ERBB4: variants seen among roughly 807,000 people sequenced by gnomAD.
ERBB4 encodes receptor tyrosine-protein kinase erbB-4.
In ERBB4, 42 loss-of-function variants were observed where a neutral mutation model predicts 158.0. The observed-to-expected ratio is 0.27, with a 90% CI of 0.21 to 0.34. The LOEUF is 0.34. Among genes scored for constraint, ERBB4 ranks in the 10% least tolerant of loss-of-function variants. The pLI is 1.00. For synonymous variants in ERBB4, 583 were observed against 558.7 expected, an observed-to-expected ratio of 1.04 and a Z score of -0.61; for missense variants, 1,333 against 1,624.1, an observed-to-expected ratio of 0.82 and a Z score of 3.08.
At chr2:212,472,634 G>A (rs777235273) in intron 1 of ERBB4, among the ~76,000 whole-genome samples, 5 of 151,594 alleles carry the variant, frequency 3.3e-5, no homozygotes, top group East Asian at 1.9e-4. Context: ...CTATCTACAC[G>A]TAAAGGAATA....
intron 1 of ERBB4, among the ~76,000 whole-genome samples, chr2:212,416,177 AT>A (rs2091647572): frequency 6.6e-6 from 1 of 152,136 alleles, no homozygotes; most frequent in South Asian, 2.1e-4. Context: ...TACAAACTAA[AT>A]CAACGGAAAG....
At chr2:211,964,567 T>G (rs1339309133) in intron 2 of ERBB4, among the ~76,000 whole-genome samples, 1 of 152,214 alleles carries the variant, frequency 6.6e-6, no homozygotes, top group African/African-American at 2.4e-5. Flanking sequence ...CTCTCTTGTC[T>G]AGAACTTGTT....
At chr2:212,244,069 T>C (rs1471920555) in intron 1 of ERBB4, among the ~76,000 whole-genome samples, 1 of 152,088 alleles carries the variant, frequency 6.6e-6, no homozygotes, top group African/African-American at 2.4e-5. Flanking sequence ...GGGGAGGTCC[T>C]AGCAGTGTAA....
intron 1 of ERBB4, among the ~76,000 whole-genome samples, chr2:212,400,678 TGAG>T (rs1296406923): frequency 6.6e-6 from 1 of 152,124 alleles, no homozygotes; most frequent in African/African-American, 2.4e-5. Flanking sequence ...CTGAAGCTAT[TGAG>T]GAGAGCAATA....
At chr2:212,018,165 T>C (rs1301093817) in intron 2 of ERBB4, among the ~76,000 whole-genome samples, 2 of 152,154 alleles carry the variant, frequency 1.3e-5, no homozygotes, top group Admixed American at 6.5e-5. Context: ...GATGTTTCAT[T>C]AAAAGTATAA....
In ERBB4 at chr2:212,036,909, T is replaced by C. The variant is rs189571789; in HGVS notation, c.234+87843A>G. ...AGAAATTCTCATTGTGCGTCTAAAG[T>C]TCCCCGAATTGAAAAGCAAATCCTA... On this transcript the variant is annotated intron_variant, in intron 2 of 27. Coordinates refer to ENST00000342788, the MANE Select transcript of ERBB4 (RefSeq NM_005235.3). Among the ~76,000 whole-genome samples the C allele has an allele frequency of 5.6e-4, 85 of 152,276 alleles. 1 individual carries two copies. The highest frequency in any genetic ancestry group is 2.0e-3 in the African/African-American group (83 of 41,554).
At chr2:211,578,121 C>T (rs1041358020) in intron 19 of ERBB4, among the ~76,000 whole-genome samples, 2 of 152,108 alleles carry the variant, frequency 1.3e-5, no homozygotes, top group African/African-American at 2.4e-5. Flanking sequence ...GATATAAAAT[C>T]GGTGTGCAAA....
intron 1 of ERBB4, among the ~76,000 whole-genome samples, chr2:212,357,671 G>T (rs893868835): frequency 6.6e-6 from 1 of 151,380 alleles, no homozygotes; most frequent in Non-Finnish European, 1.5e-5. Context: ...AACCTCCTTC[G>T]ATCTGTTTTA....
intron 5 of ERBB4, among the ~76,000 whole-genome samples, chr2:211,749,793 A>G (rs888176787): frequency 3.3e-5 from 5 of 152,154 alleles, no homozygotes; most frequent in African/African-American, 9.6e-5. Context: ...TGAATCTTTA[A>G]TATTTTCTGT....
intron 1 of ERBB4, among the ~76,000 whole-genome samples, chr2:212,349,287 T>TCACACACA (rs3040350): frequency 0.024 from 3,464 of 146,408 alleles, 39 homozygotes; most frequent in Middle Eastern, 0.031. Flanking sequence ...AACTTCTTAA[T>TCACACACA]CACACACACA....
chr2:211,547,622 G>GA (rs1191759231), intron 20 of ERBB4, among the ~76,000 whole-genome samples: 1 of 152,016 alleles, frequency 6.6e-6, no homozygotes, highest in Admixed American at 6.6e-5. Context: ...TTGCATTTGA[G>GA]AAAATCACTG....
intron 2 of ERBB4, among the ~76,000 whole-genome samples, chr2:211,977,640 C>T (rs921267884): frequency 6.6e-6 from 1 of 150,420 alleles, no homozygotes; most frequent in Admixed American, 6.7e-5. Flanking sequence ...AGCTCGAGAC[C>T]AGCCTGGCCA....
At chr2:212,285,730 G>A (rs2085936005) in intron 1 of ERBB4, among the ~76,000 whole-genome samples, 1 of 152,082 alleles carries the variant, frequency 6.6e-6, no homozygotes, top group Admixed American at 6.6e-5. Flanking sequence ...AAAAAATTGA[G>A]CATCAAAAAT....
intron 1 of ERBB4, among the ~76,000 whole-genome samples, chr2:212,461,533 A>C (rs1688574752): frequency 6.6e-6 from 1 of 152,140 alleles, no homozygotes; most frequent in Non-Finnish European, 1.5e-5. Context: ...TTAGGAAGTA[A>C]GCTAACCTGC....
intron 3 of ERBB4, among the ~76,000 whole-genome samples, chr2:211,882,844 T>C (rs375981157): frequency 5.3e-5 from 8 of 152,182 alleles, no homozygotes; most frequent in African/African-American, 1.9e-4. Flanking sequence ...TTAATCTTCA[T>C]GTAATTTATC....
At chr2:211,564,211 G>A (rs1462433331) in intron 19 of ERBB4, among the ~76,000 whole-genome samples, 4 of 152,148 alleles carry the variant, frequency 2.6e-5, no homozygotes, top group African/African-American at 7.2e-5. Context: ...ATTTAATGGG[G>A]GGAAACTGAG....
intron 1 of ERBB4, among the ~76,000 whole-genome samples, chr2:212,399,293 T>A (rs1046539941): frequency 1.3e-5 from 2 of 151,882 alleles, no homozygotes; most frequent in East Asian, 3.9e-4. Flanking sequence ...TATTTACCAA[T>A]CCTACCTATA....
intron 1 of ERBB4, among the ~76,000 whole-genome samples, chr2:212,536,415 T>C (rs961254724): frequency 9.9e-5 from 15 of 152,154 alleles, no homozygotes; most frequent in Non-Finnish European, 4.4e-5. Flanking sequence ...ACCCGAGAGC[T>C]TTTCTTTGTG....
chr2:212,106,252 G>T (rs1001132892), intron 2 of ERBB4, among the ~76,000 whole-genome samples: 17 of 152,210 alleles, frequency 1.1e-4, no homozygotes, highest in Non-Finnish European at 2.1e-4. Flanking sequence ...TGCTGATAAT[G>T]ATATGGACAA....
Sources: allele counts gnomAD v4.1 joint callset (sites outside exome capture counted in the v4.1 genomes callset), GRCh38; gene constraint gnomAD v4.1.1; transcripts MANE v1.5; gene names NCBI Gene and HGNC (gene_info 2026-07-23, HGNC 2026-07-21).